HEATR1: variants seen among roughly 807,000 people sequenced by gnomAD.
The protein encoded by HEATR1 is HEAT repeat-containing protein 1.
In HEATR1, 77 loss-of-function variants were observed where a neutral mutation model predicts 248.2. That is an observed-to-expected ratio of 0.31 (90% confidence interval 0.26 to 0.37). HEATR1 has a LOEUF of 0.37. HEATR1 is among the 10% of genes least tolerant of loss of function. The pLI is 1.00. For synonymous variants in HEATR1, 897 were observed against 923.1 expected (o/e 0.97, Z 0.51); for missense variants, 2,420 against 2,504.9 (o/e 0.97, Z 0.72).
At chr1:236,601,869 G>C (rs1249369214) in intron 3 of HEATR1, among the ~76,000 whole-genome samples, 1 of 150,858 alleles carries the variant, frequency 6.6e-6, no homozygotes, top group African/African-American at 2.4e-5. Flanking sequence ...CAGTGGCTGT[G>C]GTGGCTCACA....
rs1311925045 is a variant in HEATR1 at position 236,571,654 on chromosome 1, T to C, written c.3740A>G (p.Asn1247Ser). 6.2e-7 allele frequency: 1 copy of C among 1,613,946 alleles called. No individual in the cohort carries two copies. Among genetic ancestry groups the C allele is most frequent in the Non-Finnish European group, 8.5e-7 (1 of 1,179,920 alleles). Residue 1247 changes from asparagine (N) to serine (S), a missense_variant, in exon 27 of 45, where the codon AAT (asparagine) becomes AGT (serine). Transcript: ENST00000366582. ...CLEPLPQEQG[N>S]MEYTKQLILS... The stretch of plus-strand genomic sequence containing the variant: ...AATTAATTGTTTGGTGTATTCCATA[T>C]TTCCCTGCTCTTGTGGCAAGGGTTC...
chr1:236,551,950 C>T, intron 44 of HEATR1, 49 bp downstream of exon 44: 3 of 1,243,830 alleles, frequency 2.4e-6, no homozygotes, highest in South Asian at 2.5e-5. Context: ...CAGAATTTTA[C>T]TGAATTATTC....
intron 29 of HEATR1, among the ~76,000 whole-genome samples, chr1:236,568,023 C>T (rs1376803766): frequency 2.0e-5 from 3 of 152,204 alleles, no homozygotes; most frequent in Admixed American, 6.5e-5. Flanking sequence ...CAATGTCTAC[C>T]TGTCTCAACC....
At chr1:236,563,201 G>A (rs1023119273) in intron 32 of HEATR1, among the ~76,000 whole-genome samples, 2 of 152,156 alleles carry the variant, frequency 1.3e-5, no homozygotes, top group African/African-American at 4.8e-5. Context: ...TAAACCACAA[G>A]CTTCAGATTG....
chr1:236,587,159 T>C (rs1663910722), intron 14 of HEATR1, among the ~76,000 whole-genome samples: 1 of 152,118 alleles, frequency 6.6e-6, no homozygotes, highest in South Asian at 2.1e-4. Flanking sequence ...TCATACATTA[T>C]ATACTTCCTT....
chr1:236,576,826 A>C lies in HEATR1; in HGVS notation c.2879T>G (p.Ile960Ser). 6.2e-7 allele frequency: 1 copy of C among 1,614,032 alleles called. No homozygotes were observed. The highest frequency in any genetic ancestry group is 1.7e-5 in the Admixed American group (1 of 60,000). Residue 960 changes from isoleucine to serine, a missense_variant, in exon 21 of 45, where the codon ATT (isoleucine) becomes AGT (serine). Ile to Ser is a moderately radical substitution (Grantham distance 142). Transcript: ENST00000366582. ...SPFYLIIDHL[I>S]SKAEEITSDA... ...TGAAGTGATCTCCTCTGCTTTAGAAATCAAATGATCTATTATCAGATAAAA... is the reference window on the plus strand; with the variant it reads ...TGAAGTGATCTCCTCTGCTTTAGAACTCAAATGATCTATTATCAGATAAAA...
At chr1:236,597,309 G>A (rs1274267389) in intron 5 of HEATR1, among the ~76,000 whole-genome samples, 1 of 146,644 alleles carries the variant, frequency 6.8e-6, no homozygotes, top group African/African-American at 2.6e-5. Context: ...TTGCAGTACA[G>A]TGGCATGATC....
chr1:236,603,910 A>G, intron 2 of HEATR1, 44 bp downstream of exon 2: 1 of 1,578,352 alleles, frequency 6.3e-7, no homozygotes, highest in Non-Finnish European at 8.5e-7. Flanking sequence ...ACATCCAGAA[A>G]ACAAACGCTT....
At chr1:236,558,152 G>GAAA (rs143450994) in intron 36 of HEATR1, 85 bp downstream of exon 36, 8 of 1,126,582 alleles carry the variant, frequency 7.1e-6, no homozygotes, top group Non-Finnish European at 9.8e-6. Flanking sequence ...CTACTCAGAG[G>GAAA]AAAAAAAAAA....
chr1:236,597,076 G>A, intron 5 of HEATR1, 100 bp from the exon 6 acceptor site: 2 of 1,040,694 alleles, frequency 1.9e-6, no homozygotes, highest in Non-Finnish European at 2.8e-6. Context: ...AATGAACTAT[G>A]ATGGCACCAC....
rs548191003 is a variant in HEATR1 at position 236,598,829 on chromosome 1, C to CA, written c.501+653dup. ...TGGATCACCATGCCCAACATGCAGT[C>CA]AAGTTCCTGCTAACAACATACATCT... On this transcript the variant is annotated intron_variant, in intron 4 of 44. Transcript: ENST00000366582. Among the ~76,000 whole-genome samples, 87 of 152,272 alleles carry CA rather than the reference C, an allele frequency of 5.7e-4. 1 individual carries two copies. Among genetic ancestry groups the CA allele is most frequent in the African/African-American group, 2.0e-3 (83 of 41,538 alleles).
At chr1:236,588,198 A>C (rs1663944480) in intron 12 of HEATR1, among the ~76,000 whole-genome samples, 155 bp from the exon 13 acceptor site, 1 of 136,498 alleles carries the variant, frequency 7.3e-6, no homozygotes, top group African/African-American at 2.5e-5. Flanking sequence ...CTAGAACTAG[A>C]TAATCGCTAA....
Position 236,586,059 on chromosome 1 carries a change from T to G in HEATR1, c.1928-118A>C, listed in dbSNP as rs1663875970. On this transcript the variant is annotated intron_variant, in intron 15 of 44. Coordinates refer to ENST00000366582, the MANE Select transcript of HEATR1 (RefSeq NM_018072.6). Reference sequence around the variant, plus strand: ...TGAAGGTTTGCTTTCTATTTTTCCTTGTATCCGATTCTGAATTTGTCTATG... The same window carrying G: ...TGAAGGTTTGCTTTCTATTTTTCCTGGTATCCGATTCTGAATTTGTCTATG... 3.7e-6 allele frequency: 5 copies of G among 1,360,588 alleles called. No individual in the cohort carries two copies. In the South Asian group the frequency reaches 3.9e-5, roughly 11 times the overall value. The allele number at this position is 1,360,588 out of a possible 1,614,324, so 84.3% of individuals were successfully genotyped here.
chr1:236,571,832 A>G (rs1663435534), intron 26 of HEATR1, 146 bp from the exon 27 acceptor site: 1 of 658,570 alleles, frequency 1.5e-6, no homozygotes, highest in Non-Finnish European at 2.7e-6. Context: ...CATCAAGTCT[A>G]GAAATAAGAT....
rs1292503530 is a variant in HEATR1 at position 236,572,751 on chromosome 1, T to A, written c.3537A>T (p.Gln1179His). 1.2e-6 allele frequency: 2 copies of A among 1,614,076 alleles called. No homozygotes were observed. The highest frequency in any genetic ancestry group is 1.7e-6 in the Non-Finnish European group (2 of 1,179,920). Residue 1179 changes from glutamine (Q) to histidine (H), a missense_variant, in exon 25 of 45, where the codon CAA (glutamine) becomes CAT (histidine). Physicochemically the swap from Gln to His is conservative, Grantham distance 24. Transcript: ENST00000366582. ...TCTGCTGCATTTTTTGCCTTCTTTT[T>A]TGCTGAACTGTGCCCAAGGGTTTAG... The part of the protein sequence containing the change: ...DKAKPLGTVQ[Q>H]KRRQKMQQKK...
At chr1:236,584,856 G>C (rs1160630294) in intron 17 of HEATR1, among the ~76,000 whole-genome samples, 169 bp downstream of exon 17, 1 of 152,086 alleles carries the variant, frequency 6.6e-6, no homozygotes, top group African/African-American at 2.4e-5. Context: ...CAAAAGCAAG[G>C]GAGTGCCTAG....
Position 236,558,370 on chromosome 1 carries a change from G to C in HEATR1, c.5071C>G (p.Pro1691Ala). The C allele has an allele frequency of 6.2e-7, 1 of 1,614,074 alleles. No individual in the cohort carries two copies. The highest frequency in any genetic ancestry group is 8.5e-7 in the Non-Finnish European group (1 of 1,179,996). Residue 1691 changes from proline (P) to alanine (A), a missense_variant, in exon 36 of 45, where the codon CCA becomes GCA. Transcript: ENST00000366582. ...AGTTTCACAGCAGTGTTCAGCACTG[G>C]GACAAAAGGATCTGGATTTTCTGCA... ...FGAENPDPFV[P>A]VLNTAVKLIA...
Position 236,592,649 on chromosome 1 carries a change from C to A in HEATR1, c.1194-16G>T. On this transcript the variant is annotated splice_polypyrimidine_tract_variant and intron_variant, in intron 9 of 44. Coordinates refer to ENST00000366582, the MANE Select transcript of HEATR1 (RefSeq NM_018072.6). ...AAATAGAAGGCTGTAAAAAAAAAAA[C>A]AGAAATATCAGCATACATAAGAGTT... The A allele has an allele frequency of 3.3e-6, 3 of 900,524 alleles. No homozygotes were observed. Among genetic ancestry groups the A allele is most frequent in the Non-Finnish European group, 3.5e-6 (2 of 569,602 alleles). 55.8% of individuals were successfully genotyped at this position (900,524 alleles called of 1,614,324 possible). A position where few individuals can be genotyped will look rare whatever the true frequency, so the allele number is the denominator to read the frequency against.
rs55866014 is a variant in HEATR1 at position 236,550,992 on chromosome 1, TAAAAAAAAA to T, written c.6347-11_6347-3del. On this transcript the variant is annotated splice_polypyrimidine_tract_variant and splice_region_variant and intron_variant, in intron 44 of 44. Coordinates refer to ENST00000366582, the MANE Select transcript of HEATR1 (RefSeq NM_018072.6). ...GATGTTCTACTTCTTCACATTCATC[TAAAAAAAAA>T]AAAAAAAAATCAAAATTAAAATCTG... 3.2e-6 allele frequency: 4 copies of T among 1,254,962 alleles called. No homozygotes were observed. The African/African-American group carries it at 6.3e-5, about 20-fold the overall frequency. The allele number at this position is 1,254,962 out of a possible 1,614,324, so 77.7% of individuals were successfully genotyped here. A position where few individuals can be genotyped will look rare whatever the true frequency, so the allele number is the denominator to read the frequency against.
Sources: allele counts gnomAD v4.1 joint callset (sites outside exome capture counted in the v4.1 genomes callset), GRCh38; gene constraint gnomAD v4.1.1; transcripts MANE v1.5; gene names NCBI Gene and HGNC (gene_info 2026-07-23, HGNC 2026-07-21).